Variants in RNF213 observed in about 807,000 individuals in gnomAD.
The protein encoded by RNF213 is ring finger protein 213, also known as E3 ubiquitin-protein ligase RNF213.
A neutral mutation model predicts 514.4 loss-of-function variants in RNF213; 341 were observed. That is an observed-to-expected ratio of 0.66 (90% CI 0.61 to 0.73). RNF213 has a LOEUF of 0.73. RNF213 is among the 30% of genes least tolerant of loss of function. The pLI, the probability that RNF213 is intolerant of heterozygous loss-of-function variation, is 0.00. For missense variants in RNF213, 5,767 were observed against 6,615.6 expected (o/e 0.87, Z 4.45); for synonymous variants, 2,655 against 2,658.2 (o/e 1.00, Z 0.04).
chr17:80,287,958 C>T lies in RNF213; in HGVS notation c.405C>T (p.His135=), dbSNP rs2143220670. 1 of 1,571,250 alleles carries T rather than the reference C, an allele frequency of 6.4e-7. No homozygotes were observed. Among genetic ancestry groups the T allele is most frequent in the East Asian group, 2.4e-5 (1 of 42,344 alleles). Residue 135 remains histidine (H), a synonymous_variant, in exon 4 of 68, where the codon CAC becomes CAT. Coordinates refer to ENST00000582970, the MANE Select transcript of RNF213 (RefSeq NM_001256071.3). ...NPWPQDTALP[H]SQAQQSGPTG... is the part of the protein sequence containing the mutation. The stretch of plus-strand genomic sequence containing the variant: ...GGCCTCAGGACACAGCCCTGCCCCA[C>T]AGCCAAGCCCAGCAGAGTGGCCCCA...
At chr17:80,302,034 A>G (rs1457650932) in intron 11 of RNF213, among the ~76,000 whole-genome samples, 1 of 152,228 alleles carries the variant, frequency 6.6e-6, no homozygotes, top group Non-Finnish European at 1.5e-5. Context: ...CCAGGCGCAG[A>G]AAGAGAAATA....
rs191358537 is a variant in RNF213 at position 80,391,610 on chromosome 17, G to C, written c.15470+1414G>C. Among the ~76,000 whole-genome samples, 4 of 152,096 alleles carry C rather than the reference G, an allele frequency of 2.6e-5. 1 individual carries two copies. Among genetic ancestry groups the C allele is most frequent in the African/African-American group, 9.6e-5 (4 of 41,486 alleles). On this transcript the variant is annotated intron_variant, in intron 67 of 67. Transcript: ENST00000582970. ...AATGGTTGTGAGAGCTCTTTGCATA[G>C]AACAGGGGTTCATCTTCTCTGCCGT... is the stretch of plus-strand genomic sequence containing the variant.
chr17:80,333,492 G>A (rs8075841), intron 21 of RNF213, among the ~76,000 whole-genome samples: 14,362 of 151,408 alleles, frequency 0.095, 1,328 homozygotes, highest in African/African-American at 0.24. Context: ...TGAGGAGTTC[G>A]AGACCAGCCT....
rs758680846 is a variant in RNF213 at position 80,337,581 on chromosome 17, C to G, written c.4528-5C>G. ...GGCCCGTGTTCTCTCCTTTTGTCCC[C>G]ATAGTGTGACTCCGCCAGGAACTTG... On this transcript the variant is annotated splice_region_variant and splice_polypyrimidine_tract_variant and intron_variant, in intron 23 of 67. Transcript: ENST00000582970. 1.3e-6 allele frequency: 2 copies of G among 1,537,158 alleles called. No homozygotes were observed. Among genetic ancestry groups the G allele is most frequent in the Non-Finnish European group, 1.7e-6 (2 of 1,146,924 alleles).
At chr17:80,302,066 T>TG (rs1329538103) in intron 11 of RNF213, among the ~76,000 whole-genome samples, 1 of 152,024 alleles carries the variant, frequency 6.6e-6, no homozygotes, top group Non-Finnish European at 1.5e-5. Flanking sequence ...CACTCATACG[T>TG]GGATGTGAAA....
At position 80,332,346 on chromosome 17, in the gene RNF213, C is replaced by G; in HGVS notation, c.3858C>G (p.Phe1286Leu). The part of the protein sequence containing the change: ...DYLYQPSYRK[F>L]IKLHQDLKSG... The stretch of plus-strand genomic sequence containing the variant: ...TGTATCAGCCTTCTTACAGAAAGTT[C>G]ATTAAGTTGCACCAGGATCTAAAGT... The change falls in exon 21 of 68, where the codon TTC (phenylalanine) becomes TTG (leucine). Residue 1286 changes from phenylalanine to leucine, a missense_variant. Physicochemically the swap from Phe to Leu is conservative, Grantham distance 22 (BLOSUM62 0). This residue lies in a region of RNF213 where 516 missense variants were observed against 566.5 expected (regional missense o/e 0.91). Coordinates refer to ENST00000582970, the MANE Select transcript of RNF213 (RefSeq NM_001256071.3). The G allele has an allele frequency of 6.5e-7, 1 of 1,537,172 alleles. No individual in the cohort carries two copies. The highest frequency in any genetic ancestry group is 8.7e-7 in the Non-Finnish European group (1 of 1,146,896).
rs756313201 is a variant in RNF213 at position 80,364,551 on chromosome 17, A to G, written c.11869A>G (p.Lys3957Glu). ...GACCGAGCACGTCTTCTTACTAGAC[A>G]AGGTGAGTACTTGGGCTGGCCTCAG... ...LVTEHVFLLD[K>E]CLRENSDVKT... Residue 3957 changes from lysine to glutamate, a missense_variant and splice_region_variant, in exon 42 of 68, where the codon AAG becomes GAG. Physicochemically the swap from Lys to Glu is moderately conservative, Grantham distance 56 (BLOSUM62 1). Coordinates refer to ENST00000582970, the MANE Select transcript of RNF213 (RefSeq NM_001256071.3). 6.2e-7 allele frequency: 1 copy of G among 1,614,120 alleles called. No homozygotes were observed.
At chr17:80,313,235 A>G in intron 15 of RNF213, 68 bp downstream of exon 15, 4 of 1,598,262 alleles carry the variant, frequency 2.5e-6, no homozygotes, top group Non-Finnish European at 3.4e-6. Context: ...GCCTCAAATC[A>G]TGGGGTACAG....
In RNF213 at chr17:80,376,364, C is replaced by T. The variant is rs200435901; in HGVS notation, c.13249C>T (p.Arg4417Cys). Reference protein sequence around the residue: ...CKILSPPDISRFATSLVDNSV... With the variant: ...CKILSPPDISCFATSLVDNSV... ...GATCCTTTCACCTCCTGATATCAGC[C>T]GTTTTGCAACATCGCTCGTGGACAA... The change falls in exon 52 of 68, where the codon CGT becomes TGT. Residue 4417 changes from arginine to cysteine, a missense_variant. Transcript: ENST00000582970. The T allele has an allele frequency of 1.2e-4, 193 of 1,614,070 alleles. No homozygotes were observed. Among genetic ancestry groups the T allele is most frequent in the Non-Finnish European group, 1.5e-4 (177 of 1,180,026 alleles).
chr17:80,350,435 A>C, intron 31 of RNF213, 39 bp downstream of exon 31: 2 of 1,335,412 alleles, frequency 1.5e-6, no homozygotes, highest in Non-Finnish European at 1.1e-6. Context: ...TATGTAAAAA[A>C]CCCAAAACGT....
rs559943498 is a variant in RNF213 at position 80,317,925 on chromosome 17, G to A, written c.2901+648G>A. Among the ~76,000 whole-genome samples the A allele has an allele frequency of 6.6e-6, 1 of 152,252 alleles. No individual in the cohort carries two copies. The highest frequency in any genetic ancestry group is 2.4e-5 in the African/African-American group (1 of 41,552). ...GGGGTCACCCGGACACTTGAAGGAT[G>A]GTGAAGGTGGAGAATTTTATTAAGC... On this transcript the variant is annotated intron_variant, in intron 16 of 67. Coordinates refer to ENST00000582970, the MANE Select transcript of RNF213 (RefSeq NM_001256071.3). This position sits in a 1 kb window ranked among gnomAD's most constrained non-coding sequence, Gnocchi z 4.1.
intron 13 of RNF213, among the ~76,000 whole-genome samples, chr17:80,307,951 CCTTA>C (rs1386783512): frequency 6.6e-6 from 1 of 151,656 alleles, no homozygotes; most frequent in Non-Finnish European, 1.5e-5. Context: ...TACATTTTTC[CCTTA>C]CTTGTAAATA....
chr17:80,337,364 C>A, intron 23 of RNF213: 1 of 554,592 alleles, frequency 1.8e-6, no homozygotes, highest in Non-Finnish European at 3.1e-6. Context: ...CTGGAGGAAA[C>A]GTGGAACAGC....
In RNF213 at chr17:80,364,567, C is replaced by G; in HGVS notation, c.11871+14C>G. Reference sequence around the variant, plus strand: ...TTACTAGACAAGGTGAGTACTTGGGCTGGCCTCAGCACATGCACGGATCCA... The same window carrying G: ...TTACTAGACAAGGTGAGTACTTGGGGTGGCCTCAGCACATGCACGGATCCA... On this transcript the variant is annotated intron_variant, in intron 42 of 67. Coordinates refer to ENST00000582970, the MANE Select transcript of RNF213 (RefSeq NM_001256071.3). 1.2e-6 allele frequency: 2 copies of G among 1,614,152 alleles called. No homozygotes were observed. The highest frequency in any genetic ancestry group is 1.7e-6 in the Non-Finnish European group (2 of 1,180,020).
At chr17:80,350,245 C>T (rs2078457744) in intron 30 of RNF213, 56 bp from the exon 31 acceptor site, 2 of 1,120,008 alleles carry the variant, frequency 1.8e-6, no homozygotes, top group South Asian at 2.5e-5. Flanking sequence ...GGGGAATTTT[C>T]TTTTCCATTT....
At chr17:80,371,362 T>C (rs1948874769) in intron 46 of RNF213, among the ~76,000 whole-genome samples, 1 of 152,276 alleles carries the variant, frequency 6.6e-6, no homozygotes, top group Admixed American at 6.5e-5. Context: ...TTCTCCCATA[T>C]GCTGCAGCGA....
At chr17:80,326,637 A>G (rs1178664534) in intron 18 of RNF213, among the ~76,000 whole-genome samples, 4 of 152,038 alleles carry the variant, frequency 2.6e-5, no homozygotes, top group East Asian at 1.9e-4. Context: ...AGAATGTCCT[A>G]TGGTTGGAAT....
intron 7 of RNF213, 141 bp downstream of exon 7, chr17:80,290,869 G>A: frequency 1.0e-6 from 1 of 970,824 alleles, no homozygotes; most frequent in Non-Finnish European, 1.6e-6. Flanking sequence ...GAGTGTGGTG[G>A]CACCATCTCA....
intron 2 of RNF213, among the ~76,000 whole-genome samples, chr17:80,272,977 C>T (rs1335811774): frequency 6.6e-6 from 1 of 152,082 alleles, no homozygotes; most frequent in Non-Finnish European, 1.5e-5. Context: ...CACTCGTGGA[C>T]ATTGGGAGGA....
Sources: allele counts gnomAD v4.1 joint callset (sites outside exome capture counted in the v4.1 genomes callset), GRCh38; gene constraint gnomAD v4.1.1; regional missense constraint gnomAD v4.1.1; non-coding constraint Gnocchi (gnomAD v3.1); transcripts MANE v1.5; gene names NCBI Gene and HGNC (gene_info 2026-07-23, HGNC 2026-07-21).